The following LRBA variants were observed in gnomAD, a reference collection of about 807,000 sequenced individuals.
LRBA encodes the protein LPS responsive beige-like anchor protein.
LRBA carries 176 observed loss-of-function variants against 330.0 expected under a neutral mutation model. The observed-to-expected ratio is 0.53, with a 90% confidence interval of 0.47 to 0.60. The LOEUF (loss-of-function observed/expected upper bound fraction) is 0.60. Ranked by LOEUF, LRBA falls within the 20% of genes least tolerant of loss-of-function variation. LRBA has a pLI of 0.00. For missense variants in LRBA, 3,259 were observed against 3,444.8 expected (o/e 0.95, Z 1.35); for synonymous variants, 1,230 against 1,193.0 (o/e 1.03, Z -0.64).
chr4:150,623,665 T>C (rs1776534331), intron 37 of LRBA, among the ~76,000 whole-genome samples: 1 of 152,084 alleles, frequency 6.6e-6, no homozygotes, highest in Non-Finnish European at 1.5e-5. Flanking sequence ...AAAGAGAATT[T>C]TCACATAATA....
At chr4:150,993,822 A>G (rs1483538604) in intron 2 of LRBA, among the ~76,000 whole-genome samples, 1 of 152,106 alleles carries the variant, frequency 6.6e-6, no homozygotes, top group Non-Finnish European at 1.5e-5. Flanking sequence ...CCCTCCCACA[A>G]CACATGGGAA....
Position 150,808,366 on chromosome 4 carries a change from C to A in LRBA, c.5338G>T (p.Val1780Phe). The A allele has an allele frequency of 6.2e-7, 1 of 1,612,378 alleles. No individual in the cohort carries two copies. Among genetic ancestry groups the A allele is most frequent in the Non-Finnish European group, 8.5e-7 (1 of 1,178,894 alleles). ...SRSSNAKLPS[V>F]PTVDSVSQDP... ...TGTGAAACTGAATCAACTGTTGGAACTGAGGGCAATTTTGCATTAGATGAT... is the reference window on the plus strand; with the variant it reads ...TGTGAAACTGAATCAACTGTTGGAAATGAGGGCAATTTTGCATTAGATGAT... The change falls in exon 32 of 57, where the codon GTT (valine) becomes TTT (phenylalanine). Residue 1780 changes from valine to phenylalanine, a missense_variant. Physicochemically the swap from Val to Phe is conservative, Grantham distance 50 (BLOSUM62 -1). Transcript: ENST00000651943.
In LRBA at chr4:150,897,756, T is replaced by C; in HGVS notation, c.1987A>G (p.Lys663Glu). 6.2e-7 allele frequency: 1 copy of C among 1,612,092 alleles called. No homozygotes were observed. Among genetic ancestry groups the C allele is most frequent in the Non-Finnish European group, 8.5e-7 (1 of 1,178,534 alleles). Residue 663 changes from lysine (K) to glutamate (E), a missense_variant, in exon 15 of 57, where the codon AAG becomes GAG. Lys to Glu is a moderately conservative substitution (Grantham distance 56). Coordinates refer to ENST00000651943, the MANE Select transcript of LRBA (RefSeq NM_001364905.1). Reference sequence around the variant, plus strand: ...GAACTCACCTTCATCACTAATTGCTTAATGAACATCAACAAGAATGCTCGT... The same window carrying C: ...GAACTCACCTTCATCACTAATTGCTCAATGAACATCAACAAGAATGCTCGT... ...SLRAFLLMFI[K>E]QLVMKDSGVK...
intron 36 of LRBA, among the ~76,000 whole-genome samples, chr4:150,685,405 TATATATATATATA>T (rs1783475721): frequency 5.9e-5 from 1 of 16,856 alleles, no homozygotes; most frequent in East Asian, 1.7e-3. Flanking sequence ...TATATATATA[TATATATATATATA>T]TATTTTTTTT....
intron 37 of LRBA, among the ~76,000 whole-genome samples, chr4:150,639,819 G>GTATATATATATA (rs56731034): frequency 2.2e-4 from 1 of 4,508 alleles, no homozygotes; most frequent in African/African-American, 8.3e-4. Flanking sequence ...GTGTGTGTGT[G>GTATATATATATA]TATATATATA....
At chr4:150,559,755 ACAT>A (rs1455919433) in intron 40 of LRBA, among the ~76,000 whole-genome samples, 5 of 88,364 alleles carry the variant, frequency 5.7e-5, no homozygotes, top group South Asian at 2.6e-4. Context: ...AATATATATA[ACAT>A]TATAGATTAT....
chr4:150,787,152 G>A lies in LRBA; in HGVS notation c.5580+10929C>T, dbSNP rs1312405488. Among the ~76,000 whole-genome samples the A allele has an allele frequency of 3.9e-5, 6 of 151,938 alleles. 1 individual carries two copies. In the South Asian group the frequency reaches 8.3e-4, roughly 21 times the overall value. ...GAGGCTGAGGCGGGAAGATCACCGCGGAGGTTGCAGGGAGCCAAGATTGCG... is the reference window on the plus strand; with the variant it reads ...GAGGCTGAGGCGGGAAGATCACCGCAGAGGTTGCAGGGAGCCAAGATTGCG... On this transcript the variant is annotated intron_variant, in intron 34 of 56. Coordinates refer to ENST00000651943, the MANE Select transcript of LRBA (RefSeq NM_001364905.1).
At chr4:150,834,460 A>T (rs1323221005) in intron 28 of LRBA, among the ~76,000 whole-genome samples, 1 of 152,212 alleles carries the variant, frequency 6.6e-6, no homozygotes, top group Non-Finnish European at 1.5e-5. Flanking sequence ...TGTATATCTG[A>T]TCAGAGCTGT....
intron 46 of LRBA, among the ~76,000 whole-genome samples, chr4:150,425,710 C>T (rs1749504828): frequency 6.6e-6 from 1 of 152,126 alleles, no homozygotes; most frequent in African/African-American, 2.4e-5. Flanking sequence ...TATATTGGGG[C>T]AAACATACCA....
chr4:150,361,772 C>CTTT lies in LRBA; in HGVS notation c.7195-11616_7195-11614dup, dbSNP rs568876677. 7.2e-5 allele frequency among the ~76,000 whole-genome samples: 10 copies of CTTT among 139,750 alleles called. 1 individual carries two copies. The highest frequency in any genetic ancestry group is 1.1e-4 in the Non-Finnish European group (7 of 64,952). 91.7% of individuals were successfully genotyped at this position (139,750 alleles called of 152,430 possible). On this transcript the variant is annotated intron_variant, in intron 47 of 56. Transcript: ENST00000651943. ...AAAATGCCAACTGCCCATCATACTACTTTTTTTTTTTTTTTTGAGACGGAG... is the reference window on the plus strand; with the variant it reads ...AAAATGCCAACTGCCCATCATACTACTTTTTTTTTTTTTTTTTTTGAGACGGAG...
chr4:150,541,789 C>G (rs1765340211), intron 40 of LRBA, among the ~76,000 whole-genome samples: 1 of 152,064 alleles, frequency 6.6e-6, no homozygotes, highest in Admixed American at 6.6e-5. Flanking sequence ...AACTCCTGGG[C>G]TCAAGTGATC....
At chr4:150,662,576 G>C (rs1455938141) in intron 37 of LRBA, among the ~76,000 whole-genome samples, 1 of 152,224 alleles carries the variant, frequency 6.6e-6, no homozygotes, top group East Asian at 1.9e-4. Context: ...AGATCTGTTT[G>C]CAAAGGTGAA....
intron 40 of LRBA, among the ~76,000 whole-genome samples, chr4:150,547,345 T>C (rs1374385002): frequency 1.3e-5 from 2 of 152,046 alleles, no homozygotes; most frequent in Non-Finnish European, 2.9e-5. Flanking sequence ...ACACTTGAAG[T>C]AAAGGATTAG....
intron 56 of LRBA, among the ~76,000 whole-genome samples, chr4:150,269,290 T>C (rs577023284): frequency 6.6e-6 from 1 of 152,310 alleles, no homozygotes; most frequent in Non-Finnish European, 1.5e-5. Flanking sequence ...CAAAACATTG[T>C]CACACTGATA....
At chr4:150,278,367 C>T (rs1747083045) in intron 55 of LRBA, among the ~76,000 whole-genome samples, 1 of 152,120 alleles carries the variant, frequency 6.6e-6, no homozygotes, top group African/African-American at 2.4e-5. Flanking sequence ...CTGTTTTGTC[C>T]CAAGACTTGG....
At chr4:150,378,006 C>A (rs1741626245) in intron 47 of LRBA, among the ~76,000 whole-genome samples, 1 of 151,446 alleles carries the variant, frequency 6.6e-6, no homozygotes. Flanking sequence ...CTTGTTGGTA[C>A]CCATACCCAT....
At chr4:150,942,421 C>T (rs558834877) in intron 2 of LRBA, among the ~76,000 whole-genome samples, 2 of 152,256 alleles carry the variant, frequency 1.3e-5, no homozygotes, top group South Asian at 4.1e-4. Flanking sequence ...TATACCTTAA[C>T]GTTTTCTTAA....
intron 47 of LRBA, among the ~76,000 whole-genome samples, chr4:150,390,981 T>C (rs1743831862): frequency 6.6e-6 from 1 of 152,168 alleles, no homozygotes. Context: ...AATAGACCCA[T>C]CCTCCCTTGC....
intron 9 of LRBA, among the ~76,000 whole-genome samples, chr4:150,911,115 TAAGGTCATGCC>T (rs1245032010): frequency 6.6e-6 from 1 of 152,196 alleles, no homozygotes; most frequent in Non-Finnish European, 1.5e-5. Context: ...TTTTTAGATA[TAAGGTCATGCC>T]ATACGCCAAC....
Sources: allele counts gnomAD v4.1 joint callset (sites outside exome capture counted in the v4.1 genomes callset), GRCh38; gene constraint gnomAD v4.1.1; transcripts MANE v1.5; gene names NCBI Gene and HGNC (gene_info 2026-07-23, HGNC 2026-07-21).